Variants in FGFR2 observed in about 807,000 individuals in gnomAD.
FGFR2 encodes fibroblast growth factor receptor 2.
A neutral mutation model predicts 95.9 loss-of-function variants in FGFR2; 19 were observed. The ratio of observed to expected loss-of-function variants is 0.20; its 90% CI spans 0.14 to 0.29. The LOEUF is 0.29. FGFR2 is among the 10% of genes least tolerant of loss of function. FGFR2 has a pLI of 1.00. For missense variants in FGFR2, 707 were observed against 1,056.9 expected (o/e 0.67, Z 4.59); for synonymous variants, 392 against 393.3 (o/e 1.00, Z 0.04).
At chr10:121,589,618 T>C (rs1217754574) in intron 2 of FGFR2, among the ~76,000 whole-genome samples, 3 of 152,234 alleles carry the variant, frequency 2.0e-5, no homozygotes, top group Non-Finnish European at 4.4e-5. Context: ...AGAGCCAGTA[T>C]AAAATGATAC....
intron 6 of FGFR2, among the ~76,000 whole-genome samples, chr10:121,536,153 G>C (rs1212403579): frequency 6.6e-6 from 1 of 152,170 alleles, no homozygotes; most frequent in African/African-American, 2.4e-5. Flanking sequence ...GTTTCCACTT[G>C]CTGAGATGTT....
chr10:121,509,997 G>A (rs1015786230), intron 9 of FGFR2, among the ~76,000 whole-genome samples: 1 of 152,038 alleles, frequency 6.6e-6, no homozygotes, highest in African/African-American at 2.4e-5. Context: ...ACAAGAACAC[G>A]AGGCTGGCAT....
intron 2 of FGFR2, among the ~76,000 whole-genome samples, chr10:121,574,887 G>A (rs1859466081): frequency 6.6e-6 from 1 of 152,222 alleles, no homozygotes; most frequent in African/African-American, 2.4e-5. Flanking sequence ...ACAAACAACA[G>A]ATAAGTACGC....
chr10:121,558,481 C>T (rs979765297), intron 4 of FGFR2, among the ~76,000 whole-genome samples: 4 of 152,288 alleles, frequency 2.6e-5, no homozygotes, highest in Admixed American at 1.3e-4. Context: ...TAGTCAGCTG[C>T]TAAAATATGA....
intron 2 of FGFR2, among the ~76,000 whole-genome samples, chr10:121,576,954 G>A (rs566744747): frequency 7.0e-4 from 106 of 150,488 alleles, no homozygotes; most frequent in African/African-American, 2.4e-3. Context: ...GGCCAACATG[G>A]GGAGACCCCA....
chr10:121,494,619 C>T (rs1208844460), intron 13 of FGFR2, among the ~76,000 whole-genome samples: 3 of 152,162 alleles, frequency 2.0e-5, no homozygotes, highest in Non-Finnish European at 4.4e-5. Context: ...AGGGATGGCA[C>T]AGTGAGTATC....
intron 6 of FGFR2, chr10:121,526,953 G>C: frequency 2.6e-6 from 1 of 391,868 alleles, no homozygotes; most frequent in Non-Finnish European, 4.5e-6. Context: ...AGAGAGTGAA[G>C]TCTGCGGAAC....
intron 1 of FGFR2, chr10:121,596,784 T>C: frequency 5.1e-6 from 1 of 196,038 alleles, no homozygotes. Context: ...TTTCATTTGT[T>C]TGCCTGAAAT....
chr10:121,547,379 G>A (rs1361584549), intron 5 of FGFR2, among the ~76,000 whole-genome samples: 1 of 151,350 alleles, frequency 6.6e-6, no homozygotes, highest in African/African-American at 2.4e-5. Flanking sequence ...GAAGTCAAAT[G>A]TGCAAAGGTA....
chr10:121,492,125 A>G (rs1846219142), intron 13 of FGFR2, among the ~76,000 whole-genome samples: 2 of 152,042 alleles, frequency 1.3e-5, no homozygotes, highest in African/African-American at 4.8e-5. Flanking sequence ...GCAGTGAGCC[A>G]AGATCACGCC....
intron 6 of FGFR2, among the ~76,000 whole-genome samples, chr10:121,536,855 A>AT (rs1852909197): frequency 6.6e-6 from 1 of 152,104 alleles, no homozygotes. Context: ...TAGCTCAATT[A>AT]TTTTTTCCCA....
chr10:121,538,348 C>T (rs1453384732), intron 6 of FGFR2: 1 of 787,082 alleles, frequency 1.3e-6, no homozygotes, highest in Non-Finnish European at 2.4e-6. Context: ...ATACCACGTC[C>T]ACTTTACACA....
intron 4 of FGFR2, among the ~76,000 whole-genome samples, chr10:121,555,116 G>A (rs1855950352): frequency 6.6e-6 from 1 of 152,192 alleles, no homozygotes; most frequent in African/African-American, 2.4e-5. Flanking sequence ...GCTCACGCCT[G>A]TAATCCCAGC....
chr10:121,545,378 C>G (rs1854351630), intron 5 of FGFR2, among the ~76,000 whole-genome samples: 1 of 152,174 alleles, frequency 6.6e-6, no homozygotes, highest in African/African-American at 2.4e-5. Context: ...CACGTAGGTC[C>G]AAATGGCAGC....
In FGFR2 at chr10:121,515,242, T is replaced by C. The variant is rs769919776; in HGVS notation, c.1162A>G (p.Ile388Val). 6.2e-7 allele frequency: 1 copy of C among 1,614,204 alleles called. No homozygotes were observed. The highest frequency in any genetic ancestry group is 8.5e-7 in the Non-Finnish European group (1 of 1,180,034). Residue 388 changes from isoleucine to valine, a missense_variant, in exon 9 of 18, where the codon ATC becomes GTC. Coordinates refer to ENST00000358487, the MANE Select transcript of FGFR2 (RefSeq NM_000141.5). Reference protein sequence around the residue: ...IAIYCIGVFLIACMVVTVILC... With the variant: ...IAIYCIGVFLVACMVVTVILC... ...ATGACTGTTACCACCATACAGGCGA[T>C]TAAGAAGACCCCTATGCAGTAAATG...
At chr10:121,538,081 C>T (rs1045434586) in intron 6 of FGFR2, 2 of 508,266 alleles carry the variant, frequency 3.9e-6, no homozygotes, top group South Asian at 2.6e-5. Flanking sequence ...CAGGAACAGA[C>T]ACTGAATTGG....
rs1860375011 is a variant in FGFR2, at chr10:121,578,954, G to A, written c.110-13250C>T. Among the ~76,000 whole-genome samples, 3 of 152,226 alleles carry A rather than the reference G, an allele frequency of 2.0e-5. No individual in the cohort carries two copies. In the South Asian group the frequency reaches 6.2e-4, roughly 32 times the overall value. ...AAGATTCTGGGTCAGTAGGCCTGCAGGTGCGGGCTGACATTCTTTATTTCC... is the reference window on the plus strand; with the variant it reads ...AAGATTCTGGGTCAGTAGGCCTGCAAGTGCGGGCTGACATTCTTTATTTCC... On this transcript the variant is annotated intron_variant, in intron 2 of 17. Coordinates refer to ENST00000358487, the MANE Select transcript of FGFR2 (RefSeq NM_000141.5).
At chr10:121,537,107 TG>T (rs1852950586) in intron 6 of FGFR2, among the ~76,000 whole-genome samples, 1 of 152,246 alleles carries the variant, frequency 6.6e-6, no homozygotes, top group African/African-American at 2.4e-5. Flanking sequence ...TATCTGAACA[TG>T]GTAATTCTCA....
chr10:121,487,915 A>G, intron 14 of FGFR2, 76 bp downstream of exon 14: 2 of 1,594,578 alleles, frequency 1.3e-6, no homozygotes, highest in Admixed American at 3.3e-5. Flanking sequence ...AGCTCTCAAC[A>G]TTGACGGCCT....
Sources: gnomAD v4.1 joint callset for allele counts (sites outside exome capture counted in the v4.1 genomes callset) on GRCh38, gnomAD v4.1.1 for gene constraint, MANE v1.5 for transcripts, NCBI Gene and HGNC (gene_info 2026-07-23, HGNC 2026-07-21) for gene names.